Variants in TNFRSF21 observed in about 807,000 individuals in gnomAD.
TNFRSF21 encodes the protein tumor necrosis factor receptor superfamily member 21.
A neutral mutation model predicts 45.6 loss-of-function variants in TNFRSF21; 19 were observed. That is an observed-to-expected ratio of 0.42 (90% CI 0.29 to 0.61). The LOEUF is 0.61. TNFRSF21 is among the 20% of genes least tolerant of loss of function. The probability of loss-of-function intolerance (pLI) is 0.23; values close to 1 mark genes in which losing one functional copy is unlikely to be tolerated. For missense variants in TNFRSF21, 737 were observed against 851.5 expected, an observed-to-expected ratio of 0.87 and a Z score of 1.67; for synonymous variants, 314 against 335.5, an observed-to-expected ratio of 0.94 and a Z score of 0.70.
chr6:47,262,548 T>C (rs1202855721), intron 3 of TNFRSF21, among the ~76,000 whole-genome samples: 1 of 152,114 alleles, frequency 6.6e-6, no homozygotes, highest in African/African-American at 2.4e-5. Flanking sequence ...CTGTGTTAGA[T>C]AGGGAGGAGA....
At position 47,232,918 on chromosome 6, in the gene TNFRSF21, G is replaced by C. The variant is rs1285665295; in HGVS notation, c.1815C>G (p.His605Gln). Residue 605 changes from histidine (H) to glutamine (Q), a missense_variant, in exon 6 of 6, where the codon CAC (histidine) becomes CAG (glutamine). Physicochemically the swap from His to Gln is conservative, Grantham distance 24. Coordinates refer to ENST00000296861, the MANE Select transcript of TNFRSF21 (RefSeq NM_014452.5). ...DLQPIFDDMLHFLNPEELRVI... is the reference protein window; with the variant it reads ...DLQPIFDDMLQFLNPEELRVI... ...CCCGCAGCTCCTCAGGATTTAGAAAGTGGAGCATGTCATCAAAGATAGGCT... is the reference window on the plus strand; with the variant it reads ...CCCGCAGCTCCTCAGGATTTAGAAACTGGAGCATGTCATCAAAGATAGGCT... 5 of 1,614,032 alleles carry C rather than the reference G, an allele frequency of 3.1e-6. No homozygotes were observed. In the Admixed American group the frequency reaches 8.3e-5, roughly 27 times the overall value.
intron 4 of TNFRSF21, among the ~76,000 whole-genome samples, chr6:47,251,635 G>A (rs546240122): frequency 4.6e-5 from 7 of 152,230 alleles, no homozygotes; most frequent in African/African-American, 1.7e-4. Flanking sequence ...GACATTAGGC[G>A]ACTTATTCTC....
chr6:47,234,708 GAGCCGCTGGATGTAGAGTCACAGCGGAGA>G lies in TNFRSF21; in HGVS notation c.1671_1699del (p.Cys560AlafsTer26), dbSNP rs1439718832. ...GGAACCGTTCCTGCTCAGCGCGGAG[GAGCCGCTGGATGTAGAGTCACAGCGGAGA>G]AGGGGCTCCGACTCATCCACGAAGA... On this transcript the variant is annotated frameshift_variant, in exon 5 of 6. Coordinates refer to ENST00000296861, the MANE Select transcript of TNFRSF21 (RefSeq NM_014452.5). LOFTEE classifies it high-confidence loss of function. The G allele has an allele frequency of 6.2e-7, 1 of 1,611,498 alleles. No homozygotes were observed. The highest frequency in any genetic ancestry group is 2.2e-5 in the East Asian group (1 of 44,740).
chr6:47,248,875 C>G (rs1178458245), intron 4 of TNFRSF21, among the ~76,000 whole-genome samples: 2 of 152,210 alleles, frequency 1.3e-5, no homozygotes, highest in Admixed American at 1.3e-4. Flanking sequence ...ATAATTGCAA[C>G]TATTAATAGT....
chr6:47,256,164 G>T (rs1407376710), intron 3 of TNFRSF21, among the ~76,000 whole-genome samples: 15 of 152,182 alleles, frequency 9.9e-5, no homozygotes, highest in Admixed American at 9.8e-4. Flanking sequence ...TACACATTCT[G>T]CACCAATCCA....
Position 47,256,645 on chromosome 6 carries a change from C to T in TNFRSF21, c.1244-3124G>A, listed in dbSNP as rs375942315. On this transcript the variant is annotated intron_variant, in intron 3 of 5. Transcript: ENST00000296861. ...TTGAACCAAGTCCTTTTCAGTTTTC[C>T]GAGCAATGTTTAGTCAGATACAGAG... Among the ~76,000 whole-genome samples the T allele has an allele frequency of 2.0e-4, 30 of 152,296 alleles. 1 individual carries two copies. Among genetic ancestry groups the T allele is most frequent in the Non-Finnish European group, 2.9e-4 (20 of 68,022 alleles).
At position 47,286,012 on chromosome 6, in the gene TNFRSF21, G is replaced by T. The variant is rs755924428; in HGVS notation, c.680C>A (p.Thr227Lys). The T allele has an allele frequency of 6.2e-7, 1 of 1,614,242 alleles. No individual in the cohort carries two copies. Among genetic ancestry groups the T allele is most frequent in the Non-Finnish European group, 8.5e-7 (1 of 1,180,040 alleles). The part of the protein sequence containing the change: ...FSSSTSPSPG[T>K]AIFPRPEHME... ...GTGCTCAGGGCGTGGAAAGATGGCT[G>T]TGCCAGGGGAAGGTGAGGTGGAGCT... The change falls in exon 2 of 6, where the codon ACA becomes AAA. Residue 227 changes from threonine to lysine, a missense_variant. Thr to Lys is a moderately conservative substitution (Grantham distance 78). Coordinates refer to ENST00000296861, the MANE Select transcript of TNFRSF21 (RefSeq NM_014452.5).
At chr6:47,296,550 G>A (rs576846132) in intron 1 of TNFRSF21, among the ~76,000 whole-genome samples, 1 of 152,150 alleles carries the variant, frequency 6.6e-6, no homozygotes, top group African/African-American at 2.4e-5. Flanking sequence ...TGATGGAAGG[G>A]TTGGGACTTT....
chr6:47,309,461 G>A lies in TNFRSF21; in HGVS notation c.51C>T (p.Ile17=). 6.5e-7 allele frequency: 1 copy of A among 1,534,060 alleles called. No homozygotes were observed. Among genetic ancestry groups the A allele is most frequent in the Non-Finnish European group, 8.7e-7 (1 of 1,147,690 alleles). The part of the protein sequence containing the change: ...SSTALASCSR[I]ARRATATMIA... ...TCATCGTGGCTGTGGCTCGGCGGGC[G>A]ATGCGGCTGCAGGAGGCGAGGGCGG... The change falls in exon 1 of 6, where the codon ATC becomes ATT. Residue 17 remains isoleucine (I), a synonymous_variant. Coordinates refer to ENST00000296861, the MANE Select transcript of TNFRSF21 (RefSeq NM_014452.5).
chr6:47,249,242 G>A (rs973563977), intron 4 of TNFRSF21, among the ~76,000 whole-genome samples: 1 of 152,148 alleles, frequency 6.6e-6, no homozygotes, highest in African/African-American at 2.4e-5. Flanking sequence ...ACTCATCTTT[G>A]CATTGCCCAA....
chr6:47,269,790 G>A (rs1319038750), intron 3 of TNFRSF21, among the ~76,000 whole-genome samples: 1 of 152,106 alleles, frequency 6.6e-6, no homozygotes, highest in Non-Finnish European at 1.5e-5. Context: ...GAAATTTGTG[G>A]TTGTCATGGC....
intron 4 of TNFRSF21, among the ~76,000 whole-genome samples, chr6:47,240,336 A>G (rs988362018): frequency 1.3e-5 from 2 of 152,220 alleles, no homozygotes; most frequent in African/African-American, 4.8e-5. Context: ...AATCTAACTG[A>G]AACTTACTGC....
Position 47,309,821 on chromosome 6 carries a change from G to A in TNFRSF21, c.-310C>T. On this transcript the variant is annotated 5_prime_UTR_variant, in exon 1 of 6. Transcript: ENST00000296861. The stretch of plus-strand genomic sequence containing the variant: ...CCAGGGAGGAGGACTGGGCGCGAGA[G>A]AGCAAAGGAACGACTTCCCATAGCG... 3.3e-6 allele frequency: 1 copy of A among 305,534 alleles called. No individual in the cohort carries two copies. The highest frequency in any genetic ancestry group is 6.0e-6 in the Non-Finnish European group (1 of 166,336). The allele number at this position is 305,534 out of a possible 1,614,324, so 18.9% of individuals were successfully genotyped here.
intron 3 of TNFRSF21, among the ~76,000 whole-genome samples, chr6:47,277,383 G>A (rs567419289): frequency 6.6e-6 from 1 of 152,188 alleles, no homozygotes; most frequent in Non-Finnish European, 1.5e-5. Flanking sequence ...CTGCCAGAGA[G>A]GAAGGAGGTG....
chr6:47,283,899 G>A (rs1762606856), intron 3 of TNFRSF21, 39 bp downstream of exon 3: 1 of 1,583,164 alleles, frequency 6.3e-7, no homozygotes, highest in Non-Finnish European at 8.6e-7. Context: ...AAAAGTGGTA[G>A]AGAGATCTGT....
At chr6:47,233,028 A>AAGGT (rs1287957930) in intron 5 of TNFRSF21, 34 bp from the exon 6 acceptor site, 10 of 1,605,048 alleles carry the variant, frequency 6.2e-6, no homozygotes, top group Non-Finnish European at 8.5e-6. Context: ...AGACAGCTGT[A>AAGGT]AGGTGACTGT....
intron 1 of TNFRSF21, among the ~76,000 whole-genome samples, chr6:47,301,575 G>C (rs576167703): frequency 1.3e-5 from 2 of 152,308 alleles, no homozygotes; most frequent in South Asian, 2.1e-4. Flanking sequence ...TCATGAGGTG[G>C]ATCTGTCATG....
At chr6:47,306,909 C>A (rs1218502546) in intron 1 of TNFRSF21, among the ~76,000 whole-genome samples, 1 of 152,158 alleles carries the variant, frequency 6.6e-6, no homozygotes, top group African/African-American at 2.4e-5. Flanking sequence ...TTCTGAGTAC[C>A]CTGCCACGTG....
At chr6:47,282,356 C>A (rs1263711520) in intron 3 of TNFRSF21, among the ~76,000 whole-genome samples, 1 of 148,792 alleles carries the variant, frequency 6.7e-6, no homozygotes, top group Non-Finnish European at 1.5e-5. Flanking sequence ...TGCACTCCAG[C>A]CTGAGCAACA....
Sources: allele counts gnomAD v4.1 joint callset (sites outside exome capture counted in the v4.1 genomes callset), GRCh38; gene constraint gnomAD v4.1.1; transcripts MANE v1.5; gene names NCBI Gene and HGNC (gene_info 2026-07-23, HGNC 2026-07-21).